The following DVL1 variants were observed in gnomAD, a reference collection of about 807,000 sequenced individuals.
The protein encoded by DVL1 is segment polarity protein dishevelled homolog DVL-1.
DVL1 carries 49 observed loss-of-function variants against 65.0 expected under a neutral mutation model. That is an observed-to-expected ratio of 0.75 (90% CI 0.60 to 0.96). The LOEUF is 0.96. DVL1 is among the 40% of genes least tolerant of loss of function. DVL1 has a pLI of 0.00. For synonymous variants in DVL1, 608 were observed against 433.9 expected (o/e 1.40, Z -4.99); for missense variants, 1,197 against 1,045.4 (o/e 1.15, Z -2.00).
At position 1,338,196 on chromosome 1, in the gene DVL1, G is replaced by T; in HGVS notation, c.1508-13C>A. On this transcript the variant is annotated splice_polypyrimidine_tract_variant and intron_variant, in intron 13 of 14. Transcript: ENST00000378888. ...AGGGTGGCGAGATCTGGCGGGGGAG[G>T]GTAGGTGAGGGCCGCGGAGGGGCCT... 1 of 1,597,810 alleles carries T rather than the reference G, an allele frequency of 6.3e-7. No individual in the cohort carries two copies. The highest frequency in any genetic ancestry group is 8.5e-7 in the Non-Finnish European group (1 of 1,171,588).
At chr1:1,342,587 C>T in intron 2 of DVL1, 102 bp downstream of exon 2, 5 of 1,575,692 alleles carry the variant, frequency 3.2e-6, no homozygotes, top group Non-Finnish European at 4.3e-6. Context: ...TATCCGCACC[C>T]AGCCTGCCAG....
chr1:1,340,710 C>T (rs1462611077), intron 5 of DVL1, among the ~76,000 whole-genome samples: 1 of 152,170 alleles, frequency 6.6e-6, no homozygotes, highest in Non-Finnish European at 1.5e-5. Flanking sequence ...AAACTGGGCA[C>T]AGACACATGT....
rs1243595100 is a variant in DVL1, at chr1:1,341,063, ACCTGCACACACGCACC to A, written c.606-576_606-561del. On this transcript the variant is annotated intron_variant, in intron 5 of 14. Coordinates refer to ENST00000378888, the MANE Select transcript of DVL1 (RefSeq NM_001330311.2). ...CACGCACCCCTGCACACACATGCAC[ACCTGCACACACGCACC>A]CCTGCACACAGGCACACCTGCACAC... 1.1e-3 allele frequency among the ~76,000 whole-genome samples: 158 copies of A among 137,808 alleles called. 1 individual carries two copies. Among genetic ancestry groups the A allele is most frequent in the East Asian group, 8.9e-3 (40 of 4,508 alleles). The allele number at this position is 137,808 out of a possible 152,430, so 90.4% of individuals were successfully genotyped here.
chr1:1,340,738 ACACACCTGCACACATG>A (rs1484404628), intron 5 of DVL1, among the ~76,000 whole-genome samples: 7 of 151,080 alleles, frequency 4.6e-5, no homozygotes, highest in Admixed American at 1.3e-4. Context: ...TCCACTACTG[ACACACCTGCACACATG>A]CACACCTGCA....
intron 4 of DVL1, 92 bp downstream of exon 4, chr1:1,341,961 C>G: frequency 6.9e-7 from 1 of 1,457,264 alleles, no homozygotes. Flanking sequence ...CCGCCACTGG[C>G]TGGGGGACAG....
chr1:1,342,632 G>T, intron 2 of DVL1, 57 bp downstream of exon 2: 1 of 1,601,884 alleles, frequency 6.2e-7, no homozygotes, highest in Non-Finnish European at 8.5e-7. Context: ...CCCAGGAAGA[G>T]CCCCACCCTG....
In DVL1 at chr1:1,349,283, C is replaced by A; in HGVS notation, c.-218G>T. 6.6e-6 allele frequency: 1 copy of A among 150,820 alleles called. No individual in the cohort carries two copies. The highest frequency in any genetic ancestry group is 1.4e-5 in the Non-Finnish European group (1 of 70,086). 9.3% of individuals were successfully genotyped at this position (150,820 alleles called of 1,614,324 possible). On this transcript the variant is annotated 5_prime_UTR_variant, in exon 1 of 15. Coordinates refer to ENST00000378888, the MANE Select transcript of DVL1 (RefSeq NM_001330311.2). This position sits in a 1 kb window ranked among gnomAD's most constrained non-coding sequence, Gnocchi z 4.1. ...CTGCTGCCCCGCGGCCCGCGGCCGC[C>A]CATCCGCCCCCGGCCCGGGAGCGGC...
chr1:1,342,258 G>C, intron 3 of DVL1, 102 bp from the exon 4 acceptor site: 6 of 1,497,092 alleles, frequency 4.0e-6, no homozygotes, highest in Admixed American at 2.0e-5. Flanking sequence ...GCCCCAGCAG[G>C]TGCCACGCCC....
Position 1,348,954 on chromosome 1 carries a change from T to C in DVL1, c.112A>G (p.Ser38Gly), listed in dbSNP as rs2100781645. 2 of 1,574,232 alleles carry C rather than the reference T, an allele frequency of 1.3e-6. No homozygotes were observed. Among genetic ancestry groups the C allele is most frequent in the Non-Finnish European group, 1.7e-6 (2 of 1,157,130 alleles). The change falls in exon 1 of 15, where the codon AGC becomes GGC. Residue 38 changes from serine (S) to glycine (G), a missense_variant. Physicochemically the swap from Ser to Gly is moderately conservative, Grantham distance 56. Transcript: ENST00000378888. The part of the protein sequence containing the change: ...VTLADFKNVL[S>G]NRPVHAYKFF... The stretch of plus-strand genomic sequence containing the variant: ...TTGTAGGCGTGCACGGGCCGGTTGC[T>C]GAGCACGTTCTTGAAGTCGGCCAGC...
At position 1,339,276 on chromosome 1, in the gene DVL1, C is replaced by A. The variant is rs1260261839; in HGVS notation, c.1207+11G>T. On this transcript the variant is annotated intron_variant, in intron 11 of 14. Coordinates refer to ENST00000378888, the MANE Select transcript of DVL1 (RefSeq NM_001330311.2). ...CGGTTTCTGCTGGGGCCCTCAGGAG[C>A]TGCCACTTACGTGGAGCACCAGGCA... 6 of 1,548,290 alleles carry A rather than the reference C, an allele frequency of 3.9e-6. No individual in the cohort carries two copies. The highest frequency in any genetic ancestry group is 5.2e-6 in the Non-Finnish European group (6 of 1,146,846).
Position 1,336,239 on chromosome 1 carries a change from C to A in DVL1, c.1991G>T (p.Arg664Leu). Residue 664 changes from arginine (R) to leucine (L), a missense_variant, in exon 15 of 15, where the codon CGG (arginine) becomes CTG (leucine). Arg to Leu is a moderately radical substitution (Grantham distance 102, BLOSUM62 -2). Coordinates refer to ENST00000378888, the MANE Select transcript of DVL1 (RefSeq NM_001330311.2). Reference sequence around the variant, plus strand: ...TTCCGGGGGGACGGCAGCCAGCTCCCGGACAGGGGGTCCCCCGGGTGGCCC... The same window carrying A: ...TTCCGGGGGGACGGCAGCCAGCTCCAGGACAGGGGGTCCCCCGGGTGGCCC... Reference protein sequence around the residue: ...VGGPPGGPPVRELAAVPPELT... With the variant: ...VGGPPGGPPVLELAAVPPELT... 1.3e-6 allele frequency: 2 copies of A among 1,558,594 alleles called. No individual in the cohort carries two copies. The highest frequency in any genetic ancestry group is 1.3e-5 in the African/African-American group (1 of 74,228).
At chr1:1,342,594 C>A in intron 2 of DVL1, 95 bp downstream of exon 2, 1 of 1,576,346 alleles carries the variant, frequency 6.3e-7, no homozygotes. Context: ...ACCCAGCCTG[C>A]CAGGGCCTCC....
chr1:1,338,327 C>T lies in DVL1; in HGVS notation c.1449G>A (p.Thr483=), dbSNP rs375177589. 1.9e-6 allele frequency: 3 copies of T among 1,610,890 alleles called. No individual in the cohort carries two copies. Among genetic ancestry groups the T allele is most frequent in the Non-Finnish European group, 1.7e-6 (2 of 1,179,046 alleles). ...SLLKHGFLRH[T]VNKITFSEQC... is the part of the protein sequence containing the mutation. ...GCTCGGAGAAGGTGATCTTGTTGAC[C>T]GTGTGCCGCAGGAAGCCGTGCTTCA... Residue 483 remains threonine, a synonymous_variant, in exon 13 of 15, where the codon ACG becomes ACA. Coordinates refer to ENST00000378888, the MANE Select transcript of DVL1 (RefSeq NM_001330311.2).
rs368987984 is a variant in DVL1, at chr1:1,338,168, T to C, written c.1523A>G (p.Asn508Ser). 1.4e-4 allele frequency: 225 copies of C among 1,606,942 alleles called. No homozygotes were observed. The highest frequency in any genetic ancestry group is 1.7e-4 in the Non-Finnish European group (205 of 1,176,734). Reference sequence around the variant, plus strand: ...AGTCCCACTGGAGCCACTGTTGAGGTTCAGGGTGGCGAGATCTGGCGGGGG... The same window carrying C: ...AGTCCCACTGGAGCCACTGTTGAGGCTCAGGGTGGCGAGATCTGGCGGGGG... ...GDLCSNLATL[N>S]LNSGSSGTSD... The change falls in exon 14 of 15, where the codon AAC becomes AGC. Residue 508 changes from asparagine (N) to serine (S), a missense_variant. Transcript: ENST00000378888.
At chr1:1,341,225 A>C (rs906479514) in intron 5 of DVL1, among the ~76,000 whole-genome samples, 7 of 151,862 alleles carry the variant, frequency 4.6e-5, no homozygotes, top group Non-Finnish European at 5.9e-5. Context: ...ACACGCACAC[A>C]TGCACACACC....
chr1:1,335,745 A>AG lies in DVL1; in HGVS notation c.*396dup. ...CGGCCAGGCAATAAATAAATAAATT[A>AG]GATCCCTACTCCAGACAGGGGGCCT... is the stretch of plus-strand genomic sequence containing the variant. On this transcript the variant is annotated 3_prime_UTR_variant, in exon 15 of 15. Transcript: ENST00000378888. The AG allele has an allele frequency of 5.1e-6, 1 of 195,236 alleles. No individual in the cohort carries two copies. Among genetic ancestry groups the AG allele is most frequent in the South Asian group, 1.1e-4 (1 of 9,074 alleles). The allele number at this position is 195,236 out of a possible 1,614,324, so 12.1% of individuals were successfully genotyped here.
chr1:1,342,213 G>A (rs969108664), intron 3 of DVL1, 57 bp from the exon 4 acceptor site: 52 of 1,507,778 alleles, frequency 3.4e-5, no homozygotes, highest in Middle Eastern at 4.0e-4. Context: ...CTCAGATGCC[G>A]CCCAGCCCAG....
chr1:1,339,368 G>A lies in DVL1; in HGVS notation c.1126C>T (p.Arg376Cys), dbSNP rs144499639. 80 of 1,548,890 alleles carry A rather than the reference G, an allele frequency of 5.2e-5. 1 individual carries two copies. The Middle Eastern group carries it at 8.6e-4, about 17-fold the overall frequency. ...CTGGAGCAGGGACTCGTACCGTAGC[G>A]GGGCAGGGCTCCTGTCAGTGCCGCC... is the stretch of plus-strand genomic sequence containing the variant. ...HTAALTGALP[R>C]YGTSPCSSAV... Residue 376 changes from arginine to cysteine, a missense_variant, in exon 11 of 15, where the codon CGC (arginine) becomes TGC (cysteine). Coordinates refer to ENST00000378888, the MANE Select transcript of DVL1 (RefSeq NM_001330311.2).
intron 2 of DVL1, 50 bp from the exon 3 acceptor site, chr1:1,342,534 C>T: frequency 6.3e-7 from 1 of 1,591,986 alleles, no homozygotes; most frequent in Non-Finnish European, 8.6e-7. Context: ...CTTCAGGACG[C>T]CTCCTCAGGG....
Sources: gnomAD v4.1 joint callset for allele counts (sites outside exome capture counted in the v4.1 genomes callset) on GRCh38, gnomAD v4.1.1 for gene constraint, Gnocchi (gnomAD v3.1) non-coding constraint, MANE v1.5 for transcripts, NCBI Gene and HGNC (gene_info 2026-07-23, HGNC 2026-07-21) for gene names.